The following C3orf52 variants were observed in gnomAD, a reference collection of about 807,000 sequenced individuals.
The protein encoded by C3orf52 is TPA-induced transmembrane protein.
A neutral mutation model predicts 24.8 loss-of-function variants in C3orf52; 22 were observed. The ratio of observed to expected loss-of-function variants is 0.89; its 90% CI spans 0.63 to 1.27. C3orf52 has a LOEUF of 1.27. Ranked by LOEUF, C3orf52 falls within the 50% of genes most tolerant of loss-of-function variation. The pLI is 0.00. For synonymous variants in C3orf52, 93 were observed against 100.2 expected (o/e 0.93, Z 0.43); for missense variants, 265 against 260.7 (o/e 1.02, Z -0.11).
intron 4 of C3orf52, chr3:112,123,674 G>C: frequency 6.2e-7 from 1 of 1,614,042 alleles, no homozygotes; most frequent in East Asian, 2.2e-5. Flanking sequence ...CATTCTCATA[G>C]TACTCTTCAG....
At position 112,118,149 on chromosome 3, in the gene C3orf52, A is replaced by T. The variant is rs1398479353; in HGVS notation, c.*1503A>T. On this transcript the variant is annotated 3_prime_UTR_variant, in exon 6 of 6. Coordinates refer to ENST00000264848, the MANE Select transcript of C3orf52 (RefSeq NM_024616.3). ...AGTGTATTTGTATTTTGTAGAAAATAATGAAAAATTTTAATGGAGAATGAT... is the reference window on the plus strand; with the variant it reads ...AGTGTATTTGTATTTTGTAGAAAATTATGAAAAATTTTAATGGAGAATGAT... The T allele has an allele frequency of 2.6e-5, 4 of 152,268 alleles. No homozygotes were observed. The highest frequency in any genetic ancestry group is 2.6e-4 in the Admixed American group (4 of 15,286). The allele number at this position is 152,268 out of a possible 1,614,324, so 9.4% of individuals were successfully genotyped here.
At chr3:112,112,719 C>T in intron 4 of C3orf52, 2 of 498,466 alleles carry the variant, frequency 4.0e-6, no homozygotes, top group South Asian at 4.1e-5. Context: ...TGGCCTCTCC[C>T]AGTGGATTCC....
At chr3:112,089,601 T>G (rs2073860320) in intron 1 of C3orf52, among the ~76,000 whole-genome samples, 1 of 152,036 alleles carries the variant, frequency 6.6e-6, no homozygotes, top group African/African-American at 2.4e-5. Context: ...CACGTGTTGT[T>G]CAGTTTAGGA....
intron 2 of C3orf52, among the ~76,000 whole-genome samples, chr3:112,099,506 G>A (rs1258619511): frequency 1.3e-5 from 2 of 152,026 alleles, no homozygotes; most frequent in African/African-American, 2.4e-5. Flanking sequence ...AAAGGATTTC[G>A]GAATCTGAGT....
At chr3:112,116,391 AAATT>A (rs2074133504) in intron 5 of C3orf52, among the ~76,000 whole-genome samples, 1 of 152,226 alleles carries the variant, frequency 6.6e-6, no homozygotes, top group Admixed American at 6.5e-5. Context: ...CACATCATCA[AAATT>A]ATTTCTCATG....
At chr3:112,095,456 G>C (rs182159589) in intron 2 of C3orf52, among the ~76,000 whole-genome samples, 1 of 152,068 alleles carries the variant, frequency 6.6e-6, no homozygotes, top group South Asian at 2.1e-4. Flanking sequence ...ATTCTAAAGC[G>C]CAAGACCCAG....
intron 1 of C3orf52, among the ~76,000 whole-genome samples, 181 bp downstream of exon 1, chr3:112,086,726 C>G (rs1231958104): frequency 6.6e-6 from 1 of 152,168 alleles, no homozygotes; most frequent in Non-Finnish European, 1.5e-5. Flanking sequence ...TCGGCCCGAG[C>G]AGTCCCCTCC....
chr3:112,105,823 C>CAAA (rs761974909), intron 3 of C3orf52, among the ~76,000 whole-genome samples: 31 of 83,372 alleles, frequency 3.7e-4, no homozygotes, highest in African/African-American at 1.3e-3. Context: ...ACTTAGTCTC[C>CAAA]AAAAAAAAAA....
chr3:112,091,241 T>C (rs1008009325), intron 1 of C3orf52, among the ~76,000 whole-genome samples: 3 of 152,192 alleles, frequency 2.0e-5, no homozygotes, highest in African/African-American at 7.2e-5. Context: ...AAATGTATAT[T>C]ACTTGTAGAA....
intron 1 of C3orf52, among the ~76,000 whole-genome samples, chr3:112,088,661 T>TTCTA (rs148242711): frequency 0.14 from 20,629 of 151,916 alleles, 1,501 homozygotes; most frequent in South Asian, 0.2. Context: ...TGTTGATTTA[T>TTCTA]TCTATCTATC....
chr3:112,127,979 C>T (rs1270381956), intron 4 of C3orf52: 8 of 1,587,630 alleles, frequency 5.0e-6, no homozygotes, highest in Non-Finnish European at 6.9e-6. Context: ...TGAAACCACA[C>T]TTAGGGAAAT....
chr3:112,092,086 A>G (rs1157412834), intron 1 of C3orf52, among the ~76,000 whole-genome samples: 2 of 151,656 alleles, frequency 1.3e-5, no homozygotes, highest in Non-Finnish European at 2.9e-5. Context: ...AGTCTCCTCG[A>G]GTGCCGGCTG....
chr3:112,133,065 G>A (rs2074496787), downstream of C3orf52: 1 of 1,610,232 alleles, frequency 6.2e-7, no homozygotes, highest in South Asian at 1.1e-5. Context: ...CATCTCCTCT[G>A]CTCTCCCACA....
chr3:112,109,227 C>G (rs2074054893), intron 3 of C3orf52, among the ~76,000 whole-genome samples: 1 of 152,190 alleles, frequency 6.6e-6, no homozygotes. Context: ...GTCTTCTCTT[C>G]TCTCCTTCCT....
intron 1 of C3orf52, among the ~76,000 whole-genome samples, chr3:112,089,676 A>T (rs990274505): frequency 5.3e-5 from 8 of 152,172 alleles, no homozygotes; most frequent in African/African-American, 1.9e-4. Flanking sequence ...AATGAGTATT[A>T]TGAAGAGTTT....
At chr3:112,103,567 C>T (rs945059108) in intron 3 of C3orf52, among the ~76,000 whole-genome samples, 1 of 152,138 alleles carries the variant, frequency 6.6e-6, no homozygotes, top group Admixed American at 6.5e-5. Context: ...GCCACATTGT[C>T]TGTGCCTTCA....
At chr3:112,116,162 G>A (rs926905672) in intron 5 of C3orf52, among the ~76,000 whole-genome samples, 2 of 152,202 alleles carry the variant, frequency 1.3e-5, no homozygotes, top group South Asian at 2.1e-4. Flanking sequence ...CAGTGGTGGC[G>A]AGGCTGGACT....
intron 2 of C3orf52, among the ~76,000 whole-genome samples, chr3:112,102,523 G>A (rs932646337): frequency 2.0e-5 from 3 of 152,204 alleles, no homozygotes; most frequent in Middle Eastern, 3.4e-3. Context: ...TAGCTAAGCT[G>A]CAGGTTTAGT....
chr3:112,123,498 C>A (rs371130266), intron 4 of C3orf52: 2 of 1,614,098 alleles, frequency 1.2e-6, no homozygotes, highest in African/African-American at 1.3e-5. Context: ...CATAAGTGGA[C>A]GTGGCTGTTG....
Sources: allele counts gnomAD v4.1 joint callset (sites outside exome capture counted in the v4.1 genomes callset), GRCh38; gene constraint gnomAD v4.1.1; transcripts MANE v1.5; gene names NCBI Gene and HGNC (gene_info 2026-07-23, HGNC 2026-07-21).